CNTNAP2: variants seen among roughly 807,000 people sequenced by gnomAD.
CNTNAP2 encodes contactin-associated protein-like 2.
A neutral mutation model predicts 155.2 loss-of-function variants in CNTNAP2; 98 were observed. The ratio of observed to expected loss-of-function variants is 0.63; its 90% confidence interval spans 0.54 to 0.75. CNTNAP2 has a LOEUF of 0.75. Ranked by LOEUF, CNTNAP2 falls within the 30% of genes least tolerant of loss-of-function variation. The pLI, the probability that CNTNAP2 is intolerant of heterozygous loss-of-function variation, is 0.00. For synonymous variants in CNTNAP2, 651 were observed against 631.2 expected, an observed-to-expected ratio of 1.03 and a Z score of -0.47; for missense variants, 1,727 against 1,688.1, an observed-to-expected ratio of 1.02 and a Z score of -0.40.
At chr7:146,998,173 C>T (rs1018170685) in intron 3 of CNTNAP2, among the ~76,000 whole-genome samples, 1 of 151,788 alleles carries the variant, frequency 6.6e-6, no homozygotes, top group African/African-American at 2.4e-5. Flanking sequence ...GCATTTATTG[C>T]TATAAACTTC....
At chr7:146,384,937 C>T (rs933534584) in intron 1 of CNTNAP2, among the ~76,000 whole-genome samples, 1 of 152,074 alleles carries the variant, frequency 6.6e-6, no homozygotes, top group Non-Finnish European at 1.5e-5. Flanking sequence ...TGATCTGGTT[C>T]ACTATTTTAT....
At chr7:147,707,024 C>A (rs1796326546) in intron 13 of CNTNAP2, among the ~76,000 whole-genome samples, 1 of 152,028 alleles carries the variant, frequency 6.6e-6, no homozygotes, top group African/African-American at 2.4e-5. Context: ...ATTTCTCATT[C>A]ATATTCTGAA....
intron 9 of CNTNAP2, 135 bp downstream of exon 9, chr7:147,300,425 C>G (rs1458046418): frequency 4.1e-6 from 4 of 970,720 alleles, no homozygotes; most frequent in Non-Finnish European, 6.1e-6. Flanking sequence ...TGTAATTCCA[C>G]TGAGCAAAAC....
chr7:147,391,050 G>A (rs896065231), intron 9 of CNTNAP2, among the ~76,000 whole-genome samples: 1 of 152,108 alleles, frequency 6.6e-6, no homozygotes, highest in Non-Finnish European at 1.5e-5. Context: ...AAATGAAGCT[G>A]TTTAGGTATA....
In CNTNAP2 at chr7:147,476,347, CG is replaced by C. The variant is rs200988799; in HGVS notation, c.1671-9587del. Among the ~76,000 whole-genome samples, 1,012 of 151,938 alleles carry C rather than the reference CG, an allele frequency of 6.7e-3. 10 individuals carry two copies. Among genetic ancestry groups the C allele is most frequent in the African/African-American group, 0.023 (950 of 41,490 alleles). The stretch of plus-strand genomic sequence containing the variant: ...GTCTCAATCTGCTGACCTCATGATC[CG>C]CCCACCTCAGCCTCCCAAAGTGCTG... On this transcript the variant is annotated intron_variant, in intron 10 of 23. Coordinates refer to ENST00000361727, the MANE Select transcript of CNTNAP2 (RefSeq NM_014141.6).
chr7:147,994,697 C>A (rs1801771449), intron 15 of CNTNAP2, among the ~76,000 whole-genome samples: 1 of 152,184 alleles, frequency 6.6e-6, no homozygotes, highest in South Asian at 2.1e-4. Flanking sequence ...GCCTCCCCAG[C>A]CATATGGAAC....
intron 20 of CNTNAP2, among the ~76,000 whole-genome samples, chr7:148,258,731 A>G (rs1470228001): frequency 6.6e-6 from 1 of 152,130 alleles, no homozygotes; most frequent in Non-Finnish European, 1.5e-5. Flanking sequence ...AGTAAATAAA[A>G]CATTCATCAG....
intron 12 of CNTNAP2, among the ~76,000 whole-genome samples, chr7:147,575,858 T>C (rs916363135): frequency 6.6e-6 from 1 of 151,996 alleles, no homozygotes; most frequent in Non-Finnish European, 1.5e-5. Context: ...GTGTTTCATT[T>C]ATTCTTCACA....
At chr7:148,252,821 T>C (rs1796387088) in intron 20 of CNTNAP2, among the ~76,000 whole-genome samples, 1 of 152,038 alleles carries the variant, frequency 6.6e-6, no homozygotes. Context: ...TCTCCCCCAC[T>C]ATTATATACA....
intron 13 of CNTNAP2, among the ~76,000 whole-genome samples, chr7:147,732,718 T>C (rs371218154): frequency 2.0e-5 from 3 of 152,346 alleles, no homozygotes; most frequent in East Asian, 3.9e-4. Flanking sequence ...GACTTTTTAA[T>C]GACCACCATT....
chr7:147,079,862 G>A (rs924708377), intron 4 of CNTNAP2, among the ~76,000 whole-genome samples: 5 of 152,040 alleles, frequency 3.3e-5, no homozygotes, highest in Admixed American at 1.3e-4. Flanking sequence ...TGTAAGCCGC[G>A]AGACTTACTG....
At chr7:146,798,060 G>T (rs1802802887) in intron 2 of CNTNAP2, among the ~76,000 whole-genome samples, 1 of 152,104 alleles carries the variant, frequency 6.6e-6, no homozygotes, top group Non-Finnish European at 1.5e-5. Context: ...GATCACTTGA[G>T]CCTAGGAGTT....
chr7:146,939,416 C>A (rs1169659403), intron 3 of CNTNAP2, among the ~76,000 whole-genome samples: 1 of 152,166 alleles, frequency 6.6e-6, no homozygotes, highest in African/African-American at 2.4e-5. Context: ...TTGTGAGCAA[C>A]ACATAAATAA....
chr7:148,397,662 T>G (rs1329448696), intron 22 of CNTNAP2, among the ~76,000 whole-genome samples: 1 of 152,044 alleles, frequency 6.6e-6, no homozygotes, highest in Non-Finnish European at 1.5e-5. Flanking sequence ...CAATTAAATA[T>G]TTTTTCACAC....
chr7:146,938,410 T>TAC (rs1317895509), intron 3 of CNTNAP2, among the ~76,000 whole-genome samples: 2 of 150,222 alleles, frequency 1.3e-5, no homozygotes, highest in African/African-American at 4.9e-5. Flanking sequence ...ATATTATATA[T>TAC]ACATATATGT....
chr7:146,980,778 AG>A (rs1563030524), intron 3 of CNTNAP2, among the ~76,000 whole-genome samples: 1 of 152,176 alleles, frequency 6.6e-6, no homozygotes, highest in African/African-American at 2.4e-5. Flanking sequence ...ACCTACCACC[AG>A]GCCCCGCCTC....
chr7:147,361,201 T>G (rs1193772872), intron 9 of CNTNAP2, among the ~76,000 whole-genome samples: 1 of 152,232 alleles, frequency 6.6e-6, no homozygotes, highest in African/African-American at 2.4e-5. Context: ...TATGAAAAAC[T>G]TTCCTTTAGG....
intron 8 of CNTNAP2, among the ~76,000 whole-genome samples, chr7:147,142,746 G>C (rs1225900112): frequency 6.6e-6 from 1 of 151,996 alleles, no homozygotes; most frequent in Non-Finnish European, 1.5e-5. Context: ...AAAACTTAAA[G>C]TATAATTAAA....
intron 3 of CNTNAP2, among the ~76,000 whole-genome samples, chr7:146,849,108 A>T (rs1213439401): frequency 6.6e-6 from 1 of 152,144 alleles, no homozygotes; most frequent in African/African-American, 2.4e-5. Context: ...AATAAAAAAA[A>T]CTCTGAAATT....
Sources: gnomAD v4.1 joint callset for allele counts (sites outside exome capture counted in the v4.1 genomes callset) on GRCh38, gnomAD v4.1.1 for gene constraint, MANE v1.5 for transcripts, NCBI Gene and HGNC (gene_info 2026-07-23, HGNC 2026-07-21) for gene names.